The following IGSF5 variants were observed in gnomAD, a reference collection of about 807,000 sequenced individuals.
IGSF5 encodes immunoglobulin superfamily 5 like.
In IGSF5, 41 loss-of-function variants were observed where a neutral mutation model predicts 39.4. That is an observed-to-expected ratio of 1.04 (90% CI 0.81 to 1.35). The LOEUF is 1.35. IGSF5 is among the 40% of genes most tolerant of loss of function. IGSF5 has a pLI of 0.00. For synonymous variants in IGSF5, 183 were observed against 175.3 expected, an observed-to-expected ratio of 1.04 and a Z score of -0.34; for missense variants, 487 against 494.6, an observed-to-expected ratio of 0.98 and a Z score of 0.15.
At chr21:39,744,353 G>T (rs1043398210), upstream of IGSF5, among the ~76,000 whole-genome samples, 52 of 152,288 alleles carry the variant, frequency 3.4e-4, no homozygotes, top group African/African-American at 1.0e-3. Context: ...TTTCAGAGAG[G>T]GTGTAGCGAA....
chr21:39,756,469 A>C (rs957595148), intron 2 of IGSF5, among the ~76,000 whole-genome samples: 10 of 152,142 alleles, frequency 6.6e-5, no homozygotes, highest in Admixed American at 4.6e-4. Flanking sequence ...GGAGCCCTGG[A>C]TGTGCGTTGT....
At chr21:39,767,807 G>A (rs1307188527) in intron 3 of IGSF5, among the ~76,000 whole-genome samples, 2 of 152,178 alleles carry the variant, frequency 1.3e-5, no homozygotes, top group African/African-American at 4.8e-5. Context: ...GTCGGGAGGG[G>A]AGCTGACAGA....
intron 3 of IGSF5, 70 bp from the exon 4 acceptor site, chr21:39,770,846 A>T: frequency 8.4e-7 from 1 of 1,184,706 alleles, no homozygotes; most frequent in Non-Finnish European, 1.1e-6. Context: ...AAAAAAGAAA[A>T]AAAAAAAGAA....
intron 8 of IGSF5, among the ~76,000 whole-genome samples, chr21:39,795,954 A>AT (rs1046516665): frequency 6.6e-6 from 1 of 152,118 alleles, no homozygotes; most frequent in African/African-American, 2.4e-5. Context: ...TCTACTCATC[A>AT]TGGGGGGACT....
chr21:39,769,632 A>G (rs561358702), intron 3 of IGSF5, among the ~76,000 whole-genome samples: 1 of 152,272 alleles, frequency 6.6e-6, no homozygotes, highest in East Asian at 1.9e-4. Flanking sequence ...AGTATATTGC[A>G]ACAGACTGAA....
intron 4 of IGSF5, among the ~76,000 whole-genome samples, chr21:39,775,068 C>T (rs995281683): frequency 1.3e-5 from 2 of 152,096 alleles, no homozygotes; most frequent in Non-Finnish European, 2.9e-5. Context: ...TTTGTGGAGC[C>T]TGGGAATTGC....
chr21:39,749,840 A>G (rs760930443), intron 2 of IGSF5, among the ~76,000 whole-genome samples: 50 of 152,212 alleles, frequency 3.3e-4, no homozygotes, highest in African/African-American at 1.2e-3. Flanking sequence ...ATGAATCTGT[A>G]TTTTTACTAA....
Position 39,771,067 on chromosome 21 carries a change from T to G in IGSF5, c.570T>G (p.Val190=). 6.2e-7 allele frequency: 1 copy of G among 1,613,816 alleles called. No individual in the cohort carries two copies. Among genetic ancestry groups the G allele is most frequent in the Admixed American group, 1.7e-5 (1 of 59,970 alleles). ...LLVSHSSYYF[V]PEPSDLQSAV... is the part of the protein sequence containing the mutation. ...TCAGCCATTCAAGCTATTATTTTGT[T>G]CCGGAGCCCAGCGACCTTCAAAGTG... The change falls in exon 4 of 9, where the codon GTT becomes GTG. Residue 190 remains valine (V), a synonymous_variant. Transcript: ENST00000380588.
intron 2 of IGSF5, among the ~76,000 whole-genome samples, chr21:39,753,741 C>CTT (rs34544193): frequency 2.0e-5 from 3 of 150,164 alleles, no homozygotes; most frequent in African/African-American, 7.4e-5. Context: ...CCTTCTTTGT[C>CTT]TTTTTTTTTT....
At chr21:39,725,757 G>A in the IGSF5 span, 1 of 152,146 alleles carries the variant, frequency 6.6e-6, no homozygotes, top group African/African-American at 2.4e-5. Context: ...AGCACATCAT[G>A]CTCATAATTA....
chr21:39,767,361 T>C (rs1159521847), intron 3 of IGSF5, among the ~76,000 whole-genome samples: 2 of 152,174 alleles, frequency 1.3e-5, no homozygotes, highest in African/African-American at 2.4e-5. Context: ...TCTGATTCAA[T>C]TCCCTGCACA....
intron 8 of IGSF5, among the ~76,000 whole-genome samples, chr21:39,795,829 C>T (rs1455753041): frequency 6.6e-6 from 1 of 151,960 alleles, no homozygotes; most frequent in Non-Finnish European, 1.5e-5. Context: ...CTAGGGGAGC[C>T]GGGCACCTCA....
At chr21:39,797,385 A>C (rs1021688074) in intron 8 of IGSF5, among the ~76,000 whole-genome samples, 5 of 151,896 alleles carry the variant, frequency 3.3e-5, no homozygotes, top group African/African-American at 1.2e-4. Flanking sequence ...TGCCCAGCTA[A>C]TTTTTGTATT....
At chr21:39,754,387 A>G (rs1028121960) in intron 2 of IGSF5, among the ~76,000 whole-genome samples, 1 of 152,204 alleles carries the variant, frequency 6.6e-6, no homozygotes, top group Non-Finnish European at 1.5e-5. Context: ...TTGAGCAGGC[A>G]CTTGCCCCCT....
upstream of IGSF5, among the ~76,000 whole-genome samples, chr21:39,740,511 G>A (rs1273358920): frequency 1.3e-5 from 2 of 152,120 alleles, no homozygotes; most frequent in East Asian, 3.9e-4. Flanking sequence ...CCTAATTCTA[G>A]TGCCCGAGTG....
chr21:39,774,368 T>A (rs1346003009), intron 4 of IGSF5, among the ~76,000 whole-genome samples: 1 of 152,184 alleles, frequency 6.6e-6, no homozygotes, highest in Non-Finnish European at 1.5e-5. Flanking sequence ...TTCCTAAAAG[T>A]GCAAAGCATT....
the IGSF5 span, among the ~76,000 whole-genome samples, chr21:39,721,051 TTCATTGAAAGA>T: frequency 1.3e-5 from 2 of 152,144 alleles, no homozygotes; most frequent in Non-Finnish European, 2.9e-5. Flanking sequence ...AACCATATCT[TTCATTGAAAGA>T]AAAGTTTTCC....
chr21:39,723,406 G>A, the IGSF5 span, among the ~76,000 whole-genome samples: 1 of 152,148 alleles, frequency 6.6e-6, no homozygotes, highest in Non-Finnish European at 1.5e-5. Flanking sequence ...CTAGCAAGAT[G>A]GAAGCTGCAA....
chr21:39,801,393 G>T lies in IGSF5; in HGVS notation c.*36G>T. 6.7e-7 allele frequency: 1 copy of T among 1,492,000 alleles called. No individual in the cohort carries two copies. Among genetic ancestry groups the T allele is most frequent in the South Asian group, 1.1e-5 (1 of 87,754 alleles). The allele number at this position is 1,492,000 out of a possible 1,614,324, so 92.4% of individuals were successfully genotyped here. A position where few individuals can be genotyped will look rare whatever the true frequency, so the allele number is the denominator to read the frequency against. The stretch of plus-strand genomic sequence containing the variant: ...CCCAAGCTCCACTGAGCACTTGGCT[G>T]ACAATTCAAAACACGGCGATGGCAT... On this transcript the variant is annotated 3_prime_UTR_variant, in exon 9 of 9. Coordinates refer to ENST00000380588, the MANE Select transcript of IGSF5 (RefSeq NM_001080444.2).
Sources: allele counts gnomAD v4.1 joint callset (sites outside exome capture counted in the v4.1 genomes callset), GRCh38; gene constraint gnomAD v4.1.1; transcripts MANE v1.5; gene names NCBI Gene and HGNC (gene_info 2026-07-23, HGNC 2026-07-21).